SORCS1: variants seen among roughly 807,000 people sequenced by gnomAD.
SORCS1 encodes the protein VPS10 domain-containing receptor SorCS1.
SORCS1 carries 60 observed loss-of-function variants against 146.1 expected under a neutral mutation model. The observed-to-expected ratio is 0.41, with a 90% CI of 0.33 to 0.51. The LOEUF (loss-of-function observed/expected upper bound fraction) is 0.51, where lower values mean the gene tolerates loss of function less well. Ranked by LOEUF, SORCS1 falls within the 20% of genes least tolerant of loss-of-function variation. The probability of loss-of-function intolerance (pLI) is 0.21; values close to 1 mark genes in which losing one functional copy is unlikely to be tolerated. For synonymous variants in SORCS1, 637 were observed against 584.0 expected (o/e 1.09, Z -1.31); for missense variants, 1,352 against 1,487.6 (o/e 0.91, Z 1.50).
At chr10:106,667,851 T>C (rs1322586126) in intron 16 of SORCS1, 49 bp from the exon 17 acceptor site, 3 of 1,377,006 alleles carry the variant, frequency 2.2e-6, no homozygotes, top group Non-Finnish European at 3.1e-6. Context: ...GCAAAATTAC[T>C]GAAAACAATT....
chr10:106,711,553 T>C (rs139295588), intron 6 of SORCS1, among the ~76,000 whole-genome samples: 377 of 152,304 alleles, frequency 2.5e-3, no homozygotes, highest in Middle Eastern at 0.01. Context: ...CAATGACTGA[T>C]GGGGTTTCTG....
At chr10:106,785,229 C>G (rs1946000799) in intron 3 of SORCS1, among the ~76,000 whole-genome samples, 1 of 152,160 alleles carries the variant, frequency 6.6e-6, no homozygotes, top group Non-Finnish European at 1.5e-5. Context: ...TCTCATCAAC[C>G]AAAGATGAAC....
At chr10:107,154,606 T>C (rs1969127684) in intron 1 of SORCS1, among the ~76,000 whole-genome samples, 1 of 152,166 alleles carries the variant, frequency 6.6e-6, no homozygotes, top group Non-Finnish European at 1.5e-5. Flanking sequence ...CTAGAGTTGC[T>C]GACAGGGATG....
At chr10:106,645,620 G>A (rs1849369621) in intron 18 of SORCS1, among the ~76,000 whole-genome samples, 1 of 152,034 alleles carries the variant, frequency 6.6e-6, no homozygotes, top group Non-Finnish European at 1.5e-5. Context: ...GTTATTCTGA[G>A]TCATTTGTGC....
intron 2 of SORCS1, among the ~76,000 whole-genome samples, chr10:106,876,261 T>C (rs1950586427): frequency 6.6e-6 from 1 of 152,226 alleles, no homozygotes; most frequent in African/African-American, 2.4e-5. Flanking sequence ...GCATTATTTG[T>C]GCTTTATTAT....
chr10:106,789,678 C>T (rs1946221259), intron 3 of SORCS1, among the ~76,000 whole-genome samples: 1 of 152,200 alleles, frequency 6.6e-6, no homozygotes, highest in South Asian at 2.1e-4. Flanking sequence ...TAGGAAGTTC[C>T]AAACTTTCCC....
At chr10:106,774,617 C>A (rs1276265174) in intron 4 of SORCS1, among the ~76,000 whole-genome samples, 1 of 152,168 alleles carries the variant, frequency 6.6e-6, no homozygotes, top group Non-Finnish European at 1.5e-5. Flanking sequence ...CCATTAAAGT[C>A]CAGCTGAAGT....
chr10:106,623,223 T>C (rs1001981936), intron 19 of SORCS1, among the ~76,000 whole-genome samples: 4 of 151,740 alleles, frequency 2.6e-5, no homozygotes. Flanking sequence ...AAGAGGTTCA[T>C]TTTGTCTCTC....
At chr10:106,991,776 A>G (rs1956781350) in intron 1 of SORCS1, among the ~76,000 whole-genome samples, 1 of 152,238 alleles carries the variant, frequency 6.6e-6, no homozygotes, top group South Asian at 2.1e-4. Flanking sequence ...AGAAAAAGAC[A>G]GACAAGGAAA....
chr10:106,883,516 G>A lies in SORCS1; in HGVS notation c.627-53843C>T, dbSNP rs1052786028. 4.6e-5 allele frequency among the ~76,000 whole-genome samples: 7 copies of A among 151,108 alleles called. No individual in the cohort carries two copies. In the South Asian group the frequency reaches 6.3e-4, roughly 13 times the overall value. ...TGCAAGCTCCGCCTCCTGAGTTCAC[G>A]CTATTCTCCCGCCTCAGCCTCCCGC... On this transcript the variant is annotated intron_variant, in intron 2 of 25. Coordinates refer to ENST00000263054, the MANE Select transcript of SORCS1 (RefSeq NM_052918.5).
At chr10:106,980,538 A>G (rs903648228) in intron 1 of SORCS1, among the ~76,000 whole-genome samples, 4 of 152,156 alleles carry the variant, frequency 2.6e-5, no homozygotes, top group Non-Finnish European at 5.9e-5. Flanking sequence ...CTAATTAGTT[A>G]TTTCTATTAG....
intron 5 of SORCS1, among the ~76,000 whole-genome samples, chr10:106,744,576 G>A (rs752217607): frequency 6.6e-6 from 1 of 152,172 alleles, no homozygotes; most frequent in African/African-American, 2.4e-5. Flanking sequence ...TGCTTACAAT[G>A]TTTAGAATAT....
intron 17 of SORCS1, among the ~76,000 whole-genome samples, chr10:106,666,748 T>C (rs1466855274): frequency 6.6e-6 from 1 of 151,452 alleles, no homozygotes; most frequent in Non-Finnish European, 1.5e-5. Context: ...GTATTTTTAG[T>C]AGAGATGGGG....
chr10:107,100,797 A>C (rs1964872847), intron 1 of SORCS1, among the ~76,000 whole-genome samples: 1 of 152,246 alleles, frequency 6.6e-6, no homozygotes, highest in Non-Finnish European at 1.5e-5. Context: ...ACATAAAAGC[A>C]AAAGTTTATC....
At position 106,776,632 on chromosome 10, in the gene SORCS1, C is replaced by A. The variant is rs1314948216; in HGVS notation, c.787G>T (p.Ala263Ser). The A allele has an allele frequency of 6.8e-6, 11 of 1,614,030 alleles. No homozygotes were observed. The highest frequency in any genetic ancestry group is 9.3e-6 in the Non-Finnish European group (11 of 1,179,948). Residue 263 changes from alanine to serine, a missense_variant, in exon 4 of 26, where the codon GCA becomes TCA. Physicochemically the swap from Ala to Ser is moderately conservative, Grantham distance 99 (BLOSUM62 1). Around this residue, in one of 3 missense-constraint regions of SORCS1, gnomAD observed 490 missense variants for 489.1 expected, o/e 1.00. Coordinates refer to ENST00000263054, the MANE Select transcript of SORCS1 (RefSeq NM_052918.5). ...TTCAGCCGGTACTTTTGATAAGTTG[C>A]CCCTTCATCTGAGCTGATCAATAAA... is the stretch of plus-strand genomic sequence containing the variant. ...SSLLISSDEGATYQKYRLNFY... is the reference protein window; with the variant it reads ...SSLLISSDEGSTYQKYRLNFY...
rs1251449690 is a variant in SORCS1 at position 106,574,991 on chromosome 10, A to G, written c.*2429T>C. On this transcript the variant is annotated 3_prime_UTR_variant, in exon 26 of 26. Coordinates refer to ENST00000263054, the MANE Select transcript of SORCS1 (RefSeq NM_052918.5). ...TTCAACAAATAGTTTTCATACTACTACTCTAGGCAAGGCACTGTGCTAGAA... is the reference window on the plus strand; with the variant it reads ...TTCAACAAATAGTTTTCATACTACTGCTCTAGGCAAGGCACTGTGCTAGAA... 6.6e-6 allele frequency: 1 copy of G among 152,570 alleles called. No homozygotes were observed. The highest frequency in any genetic ancestry group is 1.5e-5 in the Non-Finnish European group (1 of 68,022). 9.5% of individuals were successfully genotyped at this position (152,570 alleles called of 1,614,324 possible).
At chr10:107,038,617 A>C (rs1455914464) in intron 1 of SORCS1, among the ~76,000 whole-genome samples, 2 of 152,096 alleles carry the variant, frequency 1.3e-5, no homozygotes, top group African/African-American at 4.8e-5. Flanking sequence ...AAACTGCTTA[A>C]ATTCTCTTTG....
At chr10:106,725,797 G>A (rs1856111158) in intron 6 of SORCS1, among the ~76,000 whole-genome samples, 1 of 151,740 alleles carries the variant, frequency 6.6e-6, no homozygotes, top group Non-Finnish European at 1.5e-5. Context: ...CTGGTGTGGT[G>A]GTGCACGCCT....
chr10:106,653,882 C>G (rs568867074), intron 17 of SORCS1, among the ~76,000 whole-genome samples: 5 of 152,286 alleles, frequency 3.3e-5, no homozygotes, highest in South Asian at 4.1e-4. Context: ...CTTCTCTGTT[C>G]AAAACCTTCA....
Sources: gnomAD v4.1 joint callset for allele counts (sites outside exome capture counted in the v4.1 genomes callset) on GRCh38, gnomAD v4.1.1 for gene constraint, gnomAD v4.1.1 regional missense constraint, MANE v1.5 for transcripts, NCBI Gene and HGNC (gene_info 2026-07-23, HGNC 2026-07-21) for gene names.